The following LOC128125817 variants were observed in gnomAD, a reference collection of about 807,000 sequenced individuals.
the LOC128125817 span, among the ~76,000 whole-genome samples, chr1:41,619,356 C>T: frequency 5.9e-5 from 9 of 152,342 alleles, no homozygotes; most frequent in African/African-American, 2.2e-4. Flanking sequence ...TTGTCACATA[C>T]TATGTATGTT....
chr1:41,603,820 G>C, the LOC128125817 span, among the ~76,000 whole-genome samples: 8 of 152,170 alleles, frequency 5.3e-5, no homozygotes, highest in Non-Finnish European at 1.2e-4. Flanking sequence ...GGAATTTTTT[G>C]GCATTTATTT....
the LOC128125817 span, among the ~76,000 whole-genome samples, chr1:41,612,930 A>T: frequency 8.5e-5 from 13 of 152,322 alleles, no homozygotes; most frequent in African/African-American, 2.9e-4. Context: ...CTTGTTTGCC[A>T]CACAGAAATG....
chr1:41,591,328 T>G, the LOC128125817 span, among the ~76,000 whole-genome samples: 1 of 151,980 alleles, frequency 6.6e-6, no homozygotes, highest in African/African-American at 2.4e-5. Flanking sequence ...ACCAGGATAT[T>G]GGGAGAGACC....
chr1:41,589,614 A>C, the LOC128125817 span, among the ~76,000 whole-genome samples: 1 of 152,216 alleles, frequency 6.6e-6, no homozygotes, highest in Non-Finnish European at 1.5e-5. Flanking sequence ...GGGCTCTCTC[A>C]GGTAGACAAT....
chr1:41,615,815 CTTTTTTTTTTT>C, the LOC128125817 span, among the ~76,000 whole-genome samples: 5 of 46,990 alleles, frequency 1.1e-4, no homozygotes, highest in East Asian at 8.5e-4. Flanking sequence ...TTTGACAAGT[CTTTTTTTTTTT>C]TTTTTTTTTT....
the LOC128125817 span, among the ~76,000 whole-genome samples, chr1:41,616,702 C>T: frequency 0.049 from 7,409 of 151,288 alleles, 254 homozygotes; most frequent in Non-Finnish European, 0.071. Flanking sequence ...ATCCTCCCGC[C>T]TTAGCATCTT....
chr1:41,600,369 G>A, the LOC128125817 span, among the ~76,000 whole-genome samples: 2 of 152,212 alleles, frequency 1.3e-5, no homozygotes, highest in African/African-American at 4.8e-5. Flanking sequence ...TGTAGCATGT[G>A]TCAGAATTTC....
chr1:41,600,873 C>T, the LOC128125817 span, among the ~76,000 whole-genome samples: 2 of 152,080 alleles, frequency 1.3e-5, no homozygotes, highest in Admixed American at 6.5e-5. Flanking sequence ...GGTTTTACAT[C>T]CAAGTCTTTA....
At chr1:41,592,777 C>G in the LOC128125817 span, among the ~76,000 whole-genome samples, 1 of 152,256 alleles carries the variant, frequency 6.6e-6, no homozygotes, top group Non-Finnish European at 1.5e-5. Context: ...CTATAACATT[C>G]TAACCTCACT....
the LOC128125817 span, among the ~76,000 whole-genome samples, chr1:41,589,249 G>T: frequency 2.0e-5 from 3 of 152,194 alleles, no homozygotes; most frequent in Non-Finnish European, 4.4e-5. Flanking sequence ...AGCCTCTACT[G>T]ATGGTCACAG....
chr1:41,595,522 T>G, the LOC128125817 span, among the ~76,000 whole-genome samples: 2 of 152,152 alleles, frequency 1.3e-5, no homozygotes, highest in Admixed American at 6.5e-5. Flanking sequence ...TTGTTTGAGC[T>G]GGGTTTTGAA....
the LOC128125817 span, among the ~76,000 whole-genome samples, chr1:41,608,615 A>G: frequency 1.3e-5 from 2 of 152,200 alleles, no homozygotes; most frequent in African/African-American, 4.8e-5. Flanking sequence ...TGAGACAAAA[A>G]TCACTGAGAC....
the LOC128125817 span, among the ~76,000 whole-genome samples, chr1:41,623,603 A>G: frequency 1.3e-5 from 2 of 152,088 alleles, no homozygotes; most frequent in African/African-American, 2.4e-5. Flanking sequence ...CCTTGCACCC[A>G]CTGAGTGAAG....
At chr1:41,617,471 T>A in the LOC128125817 span, among the ~76,000 whole-genome samples, 4 of 152,330 alleles carry the variant, frequency 2.6e-5, no homozygotes, top group African/African-American at 9.6e-5. Context: ...AGCAAGTCTG[T>A]CTCTCAAGTA....
At chr1:41,589,456 T>C in the LOC128125817 span, among the ~76,000 whole-genome samples, 3 of 152,010 alleles carry the variant, frequency 2.0e-5, no homozygotes, top group African/African-American at 7.3e-5. Context: ...GAGTGGGAAG[T>C]AATGGAGGAG....
the LOC128125817 span, chr1:41,628,624 A>T: frequency 6.4e-6 from 5 of 785,150 alleles, no homozygotes; most frequent in Non-Finnish European, 8.6e-6. Context: ...GAGGCACCAG[A>T]AAGGCAACGA....
At chr1:41,617,973 A>G in the LOC128125817 span, among the ~76,000 whole-genome samples, 1 of 152,022 alleles carries the variant, frequency 6.6e-6, no homozygotes, top group Non-Finnish European at 1.5e-5. Flanking sequence ...GCATTTCCCT[A>G]AGCTGAGACC....
the LOC128125817 span, among the ~76,000 whole-genome samples, chr1:41,603,621 A>G: frequency 6.6e-6 from 1 of 152,140 alleles, no homozygotes. Flanking sequence ...TGGCCTCCCA[A>G]AGTGCTGGGA....
At chr1:41,605,399 A>T in the LOC128125817 span, among the ~76,000 whole-genome samples, 2 of 152,018 alleles carry the variant, frequency 1.3e-5, no homozygotes, top group East Asian at 3.9e-4. Flanking sequence ...ACACACACAC[A>T]CACACACATA....
Sources: gnomAD v4.1 joint callset for allele counts (sites outside exome capture counted in the v4.1 genomes callset) on GRCh38, gnomAD v4.1.1 for gene constraint, MANE v1.5 for transcripts.